The following LRRC72 variants were observed in gnomAD, a reference collection of about 807,000 sequenced individuals.
LRRC72 encodes leucine rich repeat containing 72.
A neutral mutation model predicts 35.8 loss-of-function variants in LRRC72; 41 were observed. The observed-to-expected ratio is 1.15, with a 90% CI of 0.89 to 1.49. The LOEUF (loss-of-function observed/expected upper bound fraction) is 1.49. Ranked by LOEUF, LRRC72 falls within the 40% of genes most tolerant of loss-of-function variation. The pLI is 0.00. For missense variants in LRRC72, 389 were observed against 330.7 expected (o/e 1.18, Z -1.37); for synonymous variants, 118 against 119.2 (o/e 0.99, Z 0.07).
intron 1 of LRRC72, among the ~76,000 whole-genome samples, chr7:16,532,110 T>G (rs997310147): frequency 1.3e-5 from 2 of 152,186 alleles, no homozygotes; most frequent in African/African-American, 4.8e-5. Context: ...TGATACTGCA[T>G]GAATTCTCTA....
rs1297670745 is a variant in LRRC72 at position 16,556,902 on chromosome 7, C to T, written c.235-458C>T. ...TTTCGAGTGTACCAAGAAGAAAAGA[C>T]ATACAGGCAAAGGGAAATCATGACT... is the stretch of plus-strand genomic sequence containing the variant. On this transcript the variant is annotated intron_variant, in intron 3 of 8. Coordinates refer to ENST00000401542, the MANE Select transcript of LRRC72 (RefSeq NM_001195280.2). 2.6e-5 allele frequency among the ~76,000 whole-genome samples: 4 copies of T among 152,258 alleles called. No individual in the cohort carries two copies. The East Asian group carries it at 7.7e-4, about 29-fold the overall frequency.
intron 4 of LRRC72, 83 bp from the exon 5 acceptor site, chr7:16,558,806 A>G (rs1583646095): frequency 2.5e-6 from 2 of 796,180 alleles, no homozygotes; most frequent in South Asian, 6.2e-5. Context: ...AATTAGCATT[A>G]AAAATGTTTA....
chr7:16,531,180 C>CAA (rs1239439988), intron 1 of LRRC72, among the ~76,000 whole-genome samples: 2 of 117,576 alleles, frequency 1.7e-5, no homozygotes, highest in African/African-American at 3.1e-5. Context: ...AAAACTCTCT[C>CAA]AAAAAAAAAA....
intron 1 of LRRC72, among the ~76,000 whole-genome samples, chr7:16,527,655 A>G (rs954905170): frequency 1.3e-5 from 2 of 152,096 alleles, no homozygotes; most frequent in African/African-American, 4.8e-5. Flanking sequence ...GCCAGGTAAG[A>G]CCTAGCAAGG....
intron 5 of LRRC72, among the ~76,000 whole-genome samples, chr7:16,560,304 CAG>C (rs1447191416): frequency 8.5e-5 from 13 of 152,196 alleles, no homozygotes; most frequent in Non-Finnish European, 1.6e-4. Context: ...GATAAATGTA[CAG>C]AGAGTTACTA....
At chr7:16,546,955 G>T (rs1343835309) in intron 3 of LRRC72, among the ~76,000 whole-genome samples, 2 of 152,188 alleles carry the variant, frequency 1.3e-5, no homozygotes, top group Non-Finnish European at 2.9e-5. Flanking sequence ...GCTGCAGCAG[G>T]GAGGTATGGA....
At position 16,572,539 on chromosome 7, in the gene LRRC72, C is replaced by A. The variant is rs1174617444; in HGVS notation, c.670+4996C>A. On this transcript the variant is annotated intron_variant, in intron 7 of 8. Transcript: ENST00000401542. ...AATGTAATCCATCGCATAAACAGAA[C>A]CAATGACAAAAACCACATGATTATC... is the stretch of plus-strand genomic sequence containing the variant. 2.0e-5 allele frequency among the ~76,000 whole-genome samples: 3 copies of A among 152,164 alleles called. No individual in the cohort carries two copies. In the East Asian group the frequency reaches 5.8e-4, roughly 29 times the overall value.
intron 7 of LRRC72, 125 bp from the exon 8 acceptor site, chr7:16,579,949 C>A: frequency 9.8e-6 from 2 of 203,136 alleles, no homozygotes; most frequent in Non-Finnish European, 1.1e-5. Context: ...GAACTATTTG[C>A]GTAAAGAATA....
intron 3 of LRRC72, among the ~76,000 whole-genome samples, chr7:16,552,420 A>T (rs1464007195): frequency 6.6e-6 from 1 of 152,200 alleles, no homozygotes; most frequent in Non-Finnish European, 1.5e-5. Flanking sequence ...GTGCAGAAAA[A>T]GAGGACATTG....
rs1236163292 is a variant in LRRC72 at position 16,566,294 on chromosome 7, T to C, written c.428-19T>C. On this transcript the variant is annotated intron_variant, in intron 5 of 8. Transcript: ENST00000401542. The stretch of plus-strand genomic sequence containing the variant: ...GATTTTGAAATCTGACATTTTTATT[T>C]TGGATTCTTCATTTGCAGGTCTATA... The C allele has an allele frequency of 6.9e-7, 1 of 1,449,234 alleles. No individual in the cohort carries two copies. Among genetic ancestry groups the C allele is most frequent in the Non-Finnish European group, 9.2e-7 (1 of 1,082,262 alleles). The allele number at this position is 1,449,234 out of a possible 1,614,324, so 89.8% of individuals were successfully genotyped here.
At chr7:16,571,237 G>T (rs144739628) in intron 7 of LRRC72, among the ~76,000 whole-genome samples, 1 of 152,242 alleles carries the variant, frequency 6.6e-6, no homozygotes, top group East Asian at 1.9e-4. Flanking sequence ...TCTTGGCCAA[G>T]AGCATTCCAA....
At chr7:16,541,294 A>G (rs994147729) in intron 3 of LRRC72, among the ~76,000 whole-genome samples, 1 of 152,240 alleles carries the variant, frequency 6.6e-6, no homozygotes, top group Non-Finnish European at 1.5e-5. Flanking sequence ...ACTTTCAAAC[A>G]CTAGCTGACA....
chr7:16,562,426 A>C (rs925901084), intron 5 of LRRC72, among the ~76,000 whole-genome samples: 41 of 152,166 alleles, frequency 2.7e-4, no homozygotes, highest in Admixed American at 1.9e-3. Flanking sequence ...CTAAACCTTC[A>C]GTTTTCTCGT....
At chr7:16,565,972 G>C (rs921645987) in intron 5 of LRRC72, among the ~76,000 whole-genome samples, 6 of 152,328 alleles carry the variant, frequency 3.9e-5, no homozygotes, top group Non-Finnish European at 2.9e-5. Context: ...GACTCCAATA[G>C]AGCTGATATC....
chr7:16,550,580 C>T (rs1370841232), intron 3 of LRRC72, among the ~76,000 whole-genome samples: 1 of 152,208 alleles, frequency 6.6e-6, no homozygotes, highest in Non-Finnish European at 1.5e-5. Flanking sequence ...CATCTGCTCT[C>T]ACTTGTCATT....
chr7:16,547,007 G>A (rs1212520711), intron 3 of LRRC72, among the ~76,000 whole-genome samples: 1 of 152,160 alleles, frequency 6.6e-6, no homozygotes, highest in Non-Finnish European at 1.5e-5. Context: ...AGTGGTGGCA[G>A]TGGGACCCCT....
intron 5 of LRRC72, among the ~76,000 whole-genome samples, chr7:16,564,652 C>T (rs1782797719): frequency 6.6e-6 from 1 of 152,040 alleles, no homozygotes; most frequent in Non-Finnish European, 1.5e-5. Context: ...TTATTATGTA[C>T]CAGGTGTCTT....
Position 16,557,421 on chromosome 7 carries a change from A to G in LRRC72, c.296A>G (p.Asn99Ser). The G allele has an allele frequency of 1.5e-6, 2 of 1,297,902 alleles. No homozygotes were observed. Among genetic ancestry groups the G allele is most frequent in the South Asian group, 2.1e-5 (1 of 48,534 alleles). The allele number at this position is 1,297,902 out of a possible 1,614,324, so 80.4% of individuals were successfully genotyped here. Residue 99 changes from asparagine (N) to serine (S), a missense_variant, in exon 4 of 9, where the codon AAT becomes AGT. By Grantham distance (46) the Asn-to-Ser change is conservative (BLOSUM62 1). Coordinates refer to ENST00000401542, the MANE Select transcript of LRRC72 (RefSeq NM_001195280.2). ...CTGACAGAACTATATCTAAACAACA[A>G]TGCAATATTTGAGATAGAAGGTACG... ...YCLTELYLNNNAIFEIEGLHY... is the reference protein window; with the variant it reads ...YCLTELYLNNSAIFEIEGLHY...
intron 7 of LRRC72, among the ~76,000 whole-genome samples, chr7:16,578,438 C>T (rs1026486373): frequency 1.3e-5 from 2 of 152,002 alleles, no homozygotes; most frequent in East Asian, 1.9e-4. Context: ...TGCAGTGAGC[C>T]GAGATCGTGC....
Sources: allele counts gnomAD v4.1 joint callset (sites outside exome capture counted in the v4.1 genomes callset), GRCh38; gene constraint gnomAD v4.1.1; transcripts MANE v1.5; gene names NCBI Gene and HGNC (gene_info 2026-07-23, HGNC 2026-07-21).